Variants in UROD observed in about 807,000 individuals in gnomAD.
The protein encoded by UROD is uroporphyrinogen III decarboxylase.
A neutral mutation model predicts 47.1 loss-of-function variants in UROD; 34 were observed. The ratio of observed to expected loss-of-function variants is 0.72; its 90% CI spans 0.55 to 0.96. The LOEUF (loss-of-function observed/expected upper bound fraction) is 0.96, where lower values mean the gene tolerates loss of function less well. Among genes scored for constraint, UROD ranks in the 40% least tolerant of loss-of-function variants. The pLI, the probability that UROD is intolerant of heterozygous loss-of-function variation, is 0.00. For synonymous variants in UROD, 148 were observed against 175.8 expected (o/e 0.84, Z 1.25); for missense variants, 381 against 471.8 (o/e 0.81, Z 1.78).
chr1:45,015,427 A>G lies in UROD; in HGVS notation c.1033A>G (p.Met345Val), dbSNP rs142869188. Residue 345 changes from methionine to valine, a missense_variant, in exon 10 of 10, where the codon ATG (methionine) becomes GTG (valine). Physicochemically the swap from Met to Val is conservative, Grantham distance 21. Coordinates refer to ENST00000246337, the MANE Select transcript of UROD (RefSeq NM_000374.5). ...CCTGGGCCATGGGCTTTATCCTGAC[A>G]TGGACCCAGAACATGTGGGCGCCTT... ...ANLGHGLYPDMDPEHVGAFVD... is the reference protein window; with the variant it reads ...ANLGHGLYPDVDPEHVGAFVD... The G allele has an allele frequency of 5.1e-5, 83 of 1,614,110 alleles. No homozygotes were observed. Among genetic ancestry groups the G allele is most frequent in the Admixed American group, 1.2e-4 (7 of 60,002 alleles).
intron 1 of UROD, 36 bp downstream of exon 1, chr1:45,012,321 G>A: frequency 1.2e-6 from 2 of 1,614,084 alleles, no homozygotes; most frequent in African/African-American, 2.7e-5. Context: ...GGCTAGCCGG[G>A]CTTCTAATTT....
Position 45,014,518 on chromosome 1 carries a change from A to G in UROD, c.716A>G (p.Asp239Gly). 6.2e-7 allele frequency: 1 copy of G among 1,614,182 alleles called. No homozygotes were observed. Among genetic ancestry groups the G allele is most frequent in the East Asian group, 2.2e-5 (1 of 44,882 alleles). Residue 239 changes from aspartate to glycine, a missense_variant, in exon 7 of 10, where the codon GAT becomes GGT. Coordinates refer to ENST00000246337, the MANE Select transcript of UROD (RefSeq NM_000374.5). ...FNKFALPYIR[D>G]VAKQVKARLR... Reference sequence around the variant, plus strand: ...AAGTTTGCACTGCCTTACATCCGTGATGTGGCCAAGCAAGTGAAGGCCAGG... The same window carrying G: ...AAGTTTGCACTGCCTTACATCCGTGGTGTGGCCAAGCAAGTGAAGGCCAGG...
At chr1:45,012,873 C>G (rs1362090431) in intron 1 of UROD, 34 bp from the exon 2 acceptor site, 1 of 1,612,794 alleles carries the variant, frequency 6.2e-7, no homozygotes, top group South Asian at 1.1e-5. Context: ...GCGTAGCATA[C>G]TGACACCTAC....
intron 1 of UROD, 132 bp from the exon 2 acceptor site, chr1:45,012,775 A>G: frequency 6.5e-7 from 1 of 1,539,508 alleles, no homozygotes; most frequent in South Asian, 1.2e-5. Context: ...ACGGGCGGAA[A>G]GCCAGGGTTT....
intron 6 of UROD, 117 bp downstream of exon 6, chr1:45,014,187 C>T (rs1644829347): frequency 1.3e-6 from 2 of 1,503,536 alleles, no homozygotes; most frequent in African/African-American, 1.4e-5. Flanking sequence ...GAACCTTGGC[C>T]TCCAGTGATC....
In UROD at chr1:45,013,153, G is replaced by C; in HGVS notation, c.151G>C (p.Ala51Pro). Reference sequence around the variant, plus strand: ...GTATGCAGAGTTTAGGGAAACCCGGGCTGCCCAGGACTTTTTCAGCACGTG... The same window carrying C: ...GTATGCAGAGTTTAGGGAAACCCGGCCTGCCCAGGACTTTTTCAGCACGTG... ...RYLPEFRETR[A>P]AQDFFSTCRS... Residue 51 changes from alanine (A) to proline (P), a missense_variant, in exon 3 of 10, where the codon GCT (alanine) becomes CCT (proline). Coordinates refer to ENST00000246337, the MANE Select transcript of UROD (RefSeq NM_000374.5). The surrounding 1 kb of genome is among the most constrained non-coding windows in gnomAD (Gnocchi z 4.2). 1 of 1,614,186 alleles carries C rather than the reference G, an allele frequency of 6.2e-7. No individual in the cohort carries two copies. Among genetic ancestry groups the C allele is most frequent in the Non-Finnish European group, 8.5e-7 (1 of 1,180,032 alleles).
In UROD at chr1:45,013,063, GAA is replaced by G. The variant is rs1644816844; in HGVS notation, c.133+47_133+48del. The stretch of plus-strand genomic sequence containing the variant: ...AAATCTAGATAAAACTCCGGAGGGA[GAA>G]AAGTTTTCGAGGGGCAGGGGAGGGC... On this transcript the variant is annotated intron_variant, in intron 2 of 9. Transcript: ENST00000246337. The surrounding 1 kb of genome is among the most constrained non-coding windows in gnomAD (Gnocchi z 4.2). 6.2e-7 allele frequency: 1 copy of G among 1,614,136 alleles called. No homozygotes were observed.
chr1:45,014,644 G>A, intron 7 of UROD, 68 bp downstream of exon 7: 1 of 1,613,526 alleles, frequency 6.2e-7, no homozygotes, highest in Non-Finnish European at 8.5e-7. Flanking sequence ...TGCATGGACT[G>A]GAGTGACCAC....
intron 6 of UROD, 77 bp downstream of exon 6, chr1:45,014,147 AG>A (rs779698461): frequency 6.2e-7 from 1 of 1,604,320 alleles, no homozygotes; most frequent in South Asian, 1.1e-5. Context: ...TAAACCTGAG[AG>A]GGCAGGGGTC....
chr1:45,012,571 C>T lies in UROD; in HGVS notation c.20+286C>T, dbSNP rs887883833. 8.1e-6 allele frequency: 5 copies of T among 617,162 alleles called. No individual in the cohort carries two copies. In the African/African-American group the frequency reaches 9.2e-5, roughly 11 times the overall value. The allele number at this position is 617,162 out of a possible 1,614,324, so 38.2% of individuals were successfully genotyped here. On this transcript the variant is annotated intron_variant, in intron 1 of 9. Transcript: ENST00000246337. ...GGGTATTTCTCAGCCCCTGAACCAGCCCAGTGACATTCCCGTTTCTGAGGC... is the reference window on the plus strand; with the variant it reads ...GGGTATTTCTCAGCCCCTGAACCAGTCCAGTGACATTCCCGTTTCTGAGGC...
intron 6 of UROD, 155 bp from the exon 7 acceptor site, chr1:45,014,284 A>G: frequency 7.4e-7 from 1 of 1,354,838 alleles, no homozygotes; most frequent in Non-Finnish European, 1.0e-6. Context: ...CTGGGATCTG[A>G]GGAAAGTAAA....
In UROD at chr1:45,015,423, T is replaced by C. The variant is rs749484527; in HGVS notation, c.1029T>C (p.Pro343=). Residue 343 remains proline (P), a synonymous_variant, in exon 10 of 10, where the codon CCT becomes CCC. Transcript: ENST00000246337. ...CCAACCTGGGCCATGGGCTTTATCC[T>C]GACATGGACCCAGAACATGTGGGCG... is the stretch of plus-strand genomic sequence containing the variant. ...YIANLGHGLY[P]DMDPEHVGAF... is the part of the protein sequence containing the mutation. The C allele has an allele frequency of 1.1e-5, 18 of 1,614,098 alleles. No homozygotes were observed. In the East Asian group the frequency reaches 4.0e-4, roughly 36 times the overall value.
Position 45,013,012 on chromosome 1 carries a change from C to A in UROD, c.126C>A (p.Tyr42Ter). 6.2e-7 allele frequency: 1 copy of A among 1,614,112 alleles called. No individual in the cohort carries two copies. Among genetic ancestry groups the A allele is most frequent in the Non-Finnish European group, 8.5e-7 (1 of 1,180,030 alleles). Residue 42 changes from tyrosine to a stop codon, truncating the protein, a stop_gained, in exon 2 of 10, where the codon TAC becomes TAA. Coordinates refer to ENST00000246337, the MANE Select transcript of UROD (RefSeq NM_000374.5). LOFTEE classifies it high-confidence loss of function. The surrounding 1 kb of genome is among the most constrained non-coding windows in gnomAD (Gnocchi z 4.2). ...GGTGCATGCGCCAGGCAGGCCGTTACTTACCAGGTAAGAGTCAGGGTCTGG... is the reference window on the plus strand; with the variant it reads ...GGTGCATGCGCCAGGCAGGCCGTTAATTACCAGGTAAGAGTCAGGGTCTGG... ...PVWCMRQAGR[Y>*]LPEFRETRAA...
At chr1:45,012,761 C>T (rs12749939) in intron 1 of UROD, 146 bp from the exon 2 acceptor site, 385,347 of 1,512,032 alleles carry the variant, frequency 0.25, 50,326 homozygotes, top group Admixed American at 0.36. Context: ...AGAGAGGAGG[C>T]GGAACGGGCG....
rs766980312 is a variant in UROD, at chr1:45,012,934, T to C, written c.48T>C (p.Asn16=). The C allele has an allele frequency of 1.1e-5, 18 of 1,612,510 alleles. No homozygotes were observed. In the African/African-American group the frequency reaches 1.3e-4, roughly 12 times the overall value. Residue 16 remains asparagine, a synonymous_variant, in exon 2 of 10, where the codon AAT becomes AAC. Coordinates refer to ENST00000246337, the MANE Select transcript of UROD (RefSeq NM_000374.5). The stretch of plus-strand genomic sequence containing the variant: ...CTCAGGGTTTTCCGGAGCTGAAGAA[T>C]GACACATTCCTGCGAGCAGCCTGGG... ...LGPQGFPELK[N]DTFLRAAWGE...
rs1247894519 is a variant in UROD, at chr1:45,015,317, G to A, written c.943-20G>A. 3 of 1,613,404 alleles carry A rather than the reference G, an allele frequency of 1.9e-6. No homozygotes were observed. The highest frequency in any genetic ancestry group is 2.5e-6 in the Non-Finnish European group (3 of 1,179,894). On this transcript the variant is annotated intron_variant, in intron 9 of 9. Coordinates refer to ENST00000246337, the MANE Select transcript of UROD (RefSeq NM_000374.5). ...AGGCTTGCTGGTCCTCCTGTAGCCA[G>A]TGCCCTGTTGGTCCCCCAGGAGGAG... is the stretch of plus-strand genomic sequence containing the variant.
rs1183973409 is a variant in UROD at position 45,013,814 on chromosome 1, C to T, written c.474+23C>T. 1.2e-6 allele frequency: 2 copies of T among 1,614,134 alleles called. No individual in the cohort carries two copies. The highest frequency in any genetic ancestry group is 1.1e-5 in the South Asian group (1 of 91,084). On this transcript the variant is annotated intron_variant, in intron 5 of 9. Coordinates refer to ENST00000246337, the MANE Select transcript of UROD (RefSeq NM_000374.5). The surrounding 1 kb of genome is among the most constrained non-coding windows in gnomAD (Gnocchi z 4.2). ...CCAGTAATGTGGGACAGGGCAGGGACTCGGGGCGCGGGGAGATCACTCTGG... is the reference window on the plus strand; with the variant it reads ...CCAGTAATGTGGGACAGGGCAGGGATTCGGGGCGCGGGGAGATCACTCTGG...
At position 45,013,625 on chromosome 1, in the gene UROD, G is replaced by A; in HGVS notation, c.308G>A (p.Gly103Asp). Residue 103 changes from glycine to aspartate, a missense_variant, in exon 5 of 10, where the codon GGC (glycine) becomes GAC (aspartate). By Grantham distance (94) the Gly-to-Asp change is moderately conservative. Coordinates refer to ENST00000246337, the MANE Select transcript of UROD (RefSeq NM_000374.5). The surrounding 1 kb of genome is among the most constrained non-coding windows in gnomAD (Gnocchi z 4.2). ...ALGMEVTMVP[G>D]KGPSFPEPLR... The stretch of plus-strand genomic sequence containing the variant: ...GGCATGGAGGTGACCATGGTACCTG[G>A]CAAAGGACCCAGCTTCCCAGAGCCA... 6.2e-7 allele frequency: 1 copy of A among 1,614,100 alleles called. No individual in the cohort carries two copies.
Position 45,012,559 on chromosome 1 carries a change from C to T in UROD, c.20+274C>T, listed in dbSNP as rs757554350. On this transcript the variant is annotated intron_variant, in intron 1 of 9. Coordinates refer to ENST00000246337, the MANE Select transcript of UROD (RefSeq NM_000374.5). ...ATCCCCCAGCCTGGGTATTTCTCAGCCCCTGAACCAGCCCAGTGACATTCC... is the reference window on the plus strand; with the variant it reads ...ATCCCCCAGCCTGGGTATTTCTCAGTCCCTGAACCAGCCCAGTGACATTCC... The T allele has an allele frequency of 4.8e-6, 3 of 620,074 alleles. No individual in the cohort carries two copies. The African/African-American group carries it at 5.5e-5, about 11-fold the overall frequency. The allele number at this position is 620,074 out of a possible 1,614,324, so 38.4% of individuals were successfully genotyped here.
Sources: allele counts gnomAD v4.1 joint callset, GRCh38; gene constraint gnomAD v4.1.1; non-coding constraint Gnocchi (gnomAD v3.1); transcripts MANE v1.5; gene names NCBI Gene and HGNC (gene_info 2026-07-23, HGNC 2026-07-21).